Variants in TIMP2 observed in about 807,000 individuals in gnomAD.
TIMP2 encodes the protein metalloproteinase inhibitor 2.
In TIMP2, 5 loss-of-function variants were observed where a neutral mutation model predicts 24.3. The observed-to-expected ratio is 0.21, with a 90% CI of 0.11 to 0.43. The LOEUF is 0.43. TIMP2 is among the 20% of genes least tolerant of loss of function. The probability of loss-of-function intolerance (pLI) is 1.00; values close to 1 mark genes in which losing one functional copy is unlikely to be tolerated. For synonymous variants in TIMP2, 130 were observed against 123.2 expected (o/e 1.06, Z -0.37); for missense variants, 221 against 297.5 (o/e 0.74, Z 1.89).
chr17:78,896,635 G>C lies in TIMP2; in HGVS notation c.131-22716C>G, dbSNP rs138743130. ...TGCTGCCCTCTGGTCCTGCCACCCC[G>C]AGCTGACAAGCCTGCCTTCTGCTGG... On this transcript the variant is annotated intron_variant, in intron 1 of 4. Coordinates refer to ENST00000262768, the MANE Select transcript of TIMP2 (RefSeq NM_003255.5). This position sits in a 1 kb window ranked among gnomAD's most constrained non-coding sequence, Gnocchi z 4.4. Among the ~76,000 whole-genome samples, 22 of 152,132 alleles carry C rather than the reference G, an allele frequency of 1.4e-4. No individual in the cohort carries two copies. In the East Asian group the frequency reaches 3.9e-3, roughly 27 times the overall value.
chr17:78,904,683 G>GA (rs1384650544), intron 1 of TIMP2: 1 of 152,252 alleles, frequency 6.6e-6, no homozygotes, highest in Non-Finnish European at 1.5e-5. Flanking sequence ...AGATAGCTGG[G>GA]AAAACGTGAT....
chr17:78,918,055 T>TGC (rs10631360), intron 1 of TIMP2, among the ~76,000 whole-genome samples: 10,749 of 76,716 alleles, frequency 0.14, 525 homozygotes, highest in Non-Finnish European at 0.17. Context: ...CACGTACGCG[T>TGC]GCACACACAA....
In TIMP2 at chr17:78,891,526, T is replaced by C; in HGVS notation, c.131-17607A>G. ...TCTTCTCCCGGAGCGTGCACTGAGA[T>C]GCTGGGGACACGGCTTCCCTTCTGC... On this transcript the variant is annotated intron_variant, in intron 1 of 4. Transcript: ENST00000262768. This position sits in a 1 kb window ranked among gnomAD's most constrained non-coding sequence, Gnocchi z 4.5. 6.4e-7 allele frequency: 1 copy of C among 1,551,104 alleles called. No individual in the cohort carries two copies. Among genetic ancestry groups the C allele is most frequent in the Non-Finnish European group, 8.7e-7 (1 of 1,147,108 alleles).
At chr17:78,914,274 T>TTTAC (rs1555652638) in intron 1 of TIMP2, among the ~76,000 whole-genome samples, 2,296 of 136,540 alleles carry the variant, frequency 0.017, 34 homozygotes, top group Non-Finnish European at 0.025. Flanking sequence ...TATTTATTTA[T>TTTAC]TTATTTATTT....
chr17:78,887,200 G>A (rs1405678625), intron 1 of TIMP2, among the ~76,000 whole-genome samples: 2 of 152,146 alleles, frequency 1.3e-5, no homozygotes, highest in East Asian at 1.9e-4. Flanking sequence ...AGGGAAGTCC[G>A]GCTTGAGTTT....
chr17:78,862,686 AT>A (rs1435784699), intron 3 of TIMP2, among the ~76,000 whole-genome samples: 2 of 152,116 alleles, frequency 1.3e-5, no homozygotes, highest in Non-Finnish European at 2.9e-5. Context: ...AATAGGTAGA[AT>A]TTTTTCAGCC....
chr17:78,876,976 C>T lies in TIMP2; in HGVS notation c.131-3057G>A, dbSNP rs2069733532. ...CTGCAGCACTTGGTATATTCCCCATCTCTTTTCCATCCTGCTGTCAGTTCC... is the reference window on the plus strand; with the variant it reads ...CTGCAGCACTTGGTATATTCCCCATTTCTTTTCCATCCTGCTGTCAGTTCC... On this transcript the variant is annotated intron_variant, in intron 1 of 4. Coordinates refer to ENST00000262768, the MANE Select transcript of TIMP2 (RefSeq NM_003255.5). Among the ~76,000 whole-genome samples the T allele has an allele frequency of 2.6e-5, 4 of 152,186 alleles. 1 individual carries two copies. The highest frequency in any genetic ancestry group is 6.6e-5 in the Admixed American group (1 of 15,266).
chr17:78,912,619 C>T (rs561410555), intron 1 of TIMP2, among the ~76,000 whole-genome samples: 1 of 152,194 alleles, frequency 6.6e-6, no homozygotes, highest in Non-Finnish European at 1.5e-5. Context: ...TGACACCCTG[C>T]AGGTTCCACT....
chr17:78,879,427 G>C (rs577053501), intron 1 of TIMP2, among the ~76,000 whole-genome samples: 1 of 152,208 alleles, frequency 6.6e-6, no homozygotes, highest in Non-Finnish European at 1.5e-5. Flanking sequence ...GAGACATAAG[G>C]AATCTGGGAA....
At chr17:78,909,358 TA>T (rs528903946) in intron 1 of TIMP2, among the ~76,000 whole-genome samples, 124 of 143,740 alleles carry the variant, frequency 8.6e-4, no homozygotes, top group Middle Eastern at 3.5e-3. Context: ...CTCATCTCTT[TA>T]AAAAAAAAAA....
At chr17:78,906,790 C>T (rs556565915) in intron 1 of TIMP2, among the ~76,000 whole-genome samples, 62 of 152,110 alleles carry the variant, frequency 4.1e-4, no homozygotes, top group African/African-American at 1.4e-3. Flanking sequence ...ACCATGTTGG[C>T]CAGGCTGGTC....
chr17:78,855,469 G>A lies in TIMP2; in HGVS notation c.*198C>T, dbSNP rs2069517582. The stretch of plus-strand genomic sequence containing the variant: ...GTGCCTGGCAGAGGGAGGATGGGAT[G>A]AGGACCTTGGACCCACGTCTCCCTC... On this transcript the variant is annotated 3_prime_UTR_variant, in exon 5 of 5. Coordinates refer to ENST00000262768, the MANE Select transcript of TIMP2 (RefSeq NM_003255.5). This position sits in a 1 kb window ranked among gnomAD's most constrained non-coding sequence, Gnocchi z 6.0. The A allele has an allele frequency of 3.1e-6, 2 of 641,494 alleles. No individual in the cohort carries two copies. Among genetic ancestry groups the A allele is most frequent in the Non-Finnish European group, 5.3e-6 (2 of 376,370 alleles). The allele number at this position is 641,494 out of a possible 1,614,324, so 39.7% of individuals were successfully genotyped here. A position where few individuals can be genotyped will look rare whatever the true frequency, so the allele number is the denominator to read the frequency against.
chr17:78,880,764 T>A (rs2069772652), intron 1 of TIMP2, among the ~76,000 whole-genome samples: 1 of 152,208 alleles, frequency 6.6e-6, no homozygotes, highest in Non-Finnish European at 1.5e-5. Context: ...TTCTCTTTAT[T>A]ATCTTGCCAG....
intron 1 of TIMP2, among the ~76,000 whole-genome samples, chr17:78,917,715 G>A (rs1337580856): frequency 2.0e-5 from 3 of 152,022 alleles, no homozygotes; most frequent in Non-Finnish European, 4.4e-5. Context: ...CAGGTCTTTG[G>A]AGCCATCCCT....
chr17:78,869,034 T>A (rs1467138436), intron 3 of TIMP2, among the ~76,000 whole-genome samples: 1 of 152,288 alleles, frequency 6.6e-6, no homozygotes, highest in East Asian at 1.9e-4. Flanking sequence ...AGTGCTGAGA[T>A]TGAGAATCCT....
intron 1 of TIMP2, among the ~76,000 whole-genome samples, chr17:78,882,435 C>A (rs1013935817): frequency 6.6e-6 from 1 of 152,256 alleles, no homozygotes; most frequent in Non-Finnish European, 1.5e-5. Context: ...AGTAACACAG[C>A]TGTGGCCCTG....
intron 1 of TIMP2, among the ~76,000 whole-genome samples, chr17:78,923,892 A>G (rs927499675): frequency 3.3e-5 from 5 of 152,158 alleles, no homozygotes; most frequent in African/African-American, 1.2e-4. Context: ...CACTCTGGGC[A>G]GGTGAGGGGG....
At chr17:78,863,719 C>G (rs1407800771) in intron 3 of TIMP2, among the ~76,000 whole-genome samples, 3 of 152,172 alleles carry the variant, frequency 2.0e-5, no homozygotes, top group African/African-American at 7.2e-5. Context: ...GACTCACCAG[C>G]TTTTCATGCA....
At chr17:78,919,392 G>A (rs2070290923) in intron 1 of TIMP2, among the ~76,000 whole-genome samples, 1 of 152,160 alleles carries the variant, frequency 6.6e-6, no homozygotes, top group Non-Finnish European at 1.5e-5. Context: ...CCTTTCCTGG[G>A]GCAGTTGGTC....
Sources: allele counts gnomAD v4.1 joint callset (sites outside exome capture counted in the v4.1 genomes callset), GRCh38; gene constraint gnomAD v4.1.1; non-coding constraint Gnocchi (gnomAD v3.1); transcripts MANE v1.5; gene names NCBI Gene and HGNC (gene_info 2026-07-23, HGNC 2026-07-21).